Variants in ODR4 observed in about 807,000 individuals in gnomAD.
The protein encoded by ODR4 is protein odr-4 homolog.
Under a neutral mutation model 60.2 loss-of-function variants are expected in ODR4, and 47 were observed. The ratio of observed to expected loss-of-function variants is 0.78; its 90% CI spans 0.62 to 1.00. The LOEUF is 1.00. ODR4 is among the 50% of genes least tolerant of loss of function. The probability of loss-of-function intolerance (pLI) is 0.00; values close to 1 mark genes in which losing one functional copy is unlikely to be tolerated. For missense variants in ODR4, 488 were observed against 530.8 expected, an observed-to-expected ratio of 0.92 and a Z score of 0.79; for synonymous variants, 178 against 175.5, an observed-to-expected ratio of 1.01 and a Z score of -0.11.
At chr1:186,412,164 T>C (rs540223455) in intron 12 of ODR4, among the ~76,000 whole-genome samples, 1 of 152,136 alleles carries the variant, frequency 6.6e-6, no homozygotes, top group Non-Finnish European at 1.5e-5. Flanking sequence ...CAATGGGAAA[T>C]ACAAAGAAAT....
chr1:186,428,082 C>A, the ODR4 span, among the ~76,000 whole-genome samples: 1 of 152,206 alleles, frequency 6.6e-6, no homozygotes, highest in South Asian at 2.1e-4. Flanking sequence ...CTTAAAGTCA[C>A]CAGGTGCATT....
chr1:186,388,526 C>G lies in ODR4; in HGVS notation c.415C>G (p.His139Asp). Residue 139 changes from histidine (H) to aspartate (D), a missense_variant, in exon 5 of 14, where the codon CAC becomes GAC. His to Asp is a moderately conservative substitution (Grantham distance 81, BLOSUM62 -1). Transcript: ENST00000287859. ...EEEVSERVTLHICASTKKIFC... is the reference protein window; with the variant it reads ...EEEVSERVTLDICASTKKIFC... The stretch of plus-strand genomic sequence containing the variant: ...GGAAGTCTCAGAACGAGTGACACTT[C>G]ACATTTGTGCTTCTACAAAAAAGTA... The G allele has an allele frequency of 6.5e-7, 1 of 1,549,430 alleles. No individual in the cohort carries two copies. The highest frequency in any genetic ancestry group is 1.4e-5 in the African/African-American group (1 of 72,958).
At chr1:186,377,637 A>G (rs1571653366) in intron 1 of ODR4, among the ~76,000 whole-genome samples, 2 of 152,264 alleles carry the variant, frequency 1.3e-5, no homozygotes, top group Admixed American at 6.5e-5. Flanking sequence ...AGGCATTACT[A>G]AAAGGTAAAA....
At position 186,390,899 on chromosome 1, in the gene ODR4, C is replaced by T. The variant is rs750105484; in HGVS notation, c.615+48C>T. On this transcript the variant is annotated intron_variant, in intron 7 of 13. Transcript: ENST00000287859. ...CTTCAGTGATTGCTGAGTGAACAAT[C>T]TGCTTTTATTCTGCTTACATGTGTC... 58 of 1,537,574 alleles carry T rather than the reference C, an allele frequency of 3.8e-5. 2 individuals are homozygous for T. The South Asian group carries it at 6.6e-4, about 18-fold the overall frequency.
chr1:186,401,274 T>C, intron 11 of ODR4: 1 of 1,181,892 alleles, frequency 8.5e-7, no homozygotes, highest in East Asian at 2.6e-5. Context: ...AAGTTAATGT[T>C]AAAGCCTAAT....
chr1:186,422,460 GAAT>G (rs1661810038), downstream of ODR4, among the ~76,000 whole-genome samples: 1 of 152,048 alleles, frequency 6.6e-6, no homozygotes, highest in East Asian at 1.9e-4. Flanking sequence ...TAAACATTTA[GAAT>G]AATGTATTAA....
At chr1:186,389,663 A>G (rs770032381) in intron 6 of ODR4, 39 bp downstream of exon 6, 10 of 1,351,076 alleles carry the variant, frequency 7.4e-6, no homozygotes, top group Non-Finnish European at 1.0e-5. Flanking sequence ...CTGTGTCACA[A>G]AGTATTTTCA....
downstream of ODR4, among the ~76,000 whole-genome samples, chr1:186,422,467 G>A (rs998077669): frequency 1.3e-5 from 2 of 152,126 alleles, no homozygotes; most frequent in Non-Finnish European, 2.9e-5. Context: ...TTAGAATAAT[G>A]TATTAAACAA....
intron 2 of ODR4, among the ~76,000 whole-genome samples, chr1:186,381,212 A>G (rs567020601): frequency 6.6e-6 from 1 of 152,268 alleles, no homozygotes; most frequent in Non-Finnish European, 1.5e-5. Flanking sequence ...ATCAGTAGAG[A>G]TAAAAAGTCA....
chr1:186,396,482 G>C (rs1052118479), intron 9 of ODR4, among the ~76,000 whole-genome samples: 2 of 152,054 alleles, frequency 1.3e-5, no homozygotes, highest in African/African-American at 2.4e-5. Context: ...GATGGTGTGT[G>C]CCTGTAGTCC....
the ODR4 span, among the ~76,000 whole-genome samples, chr1:186,431,108 G>C: frequency 6.0e-3 from 916 of 152,266 alleles, 15 homozygotes; most frequent in African/African-American, 0.021. Context: ...ACCTCTTCTA[G>C]CATAATAGCT....
intron 1 of ODR4, among the ~76,000 whole-genome samples, chr1:186,377,256 A>G (rs571898976): frequency 6.6e-6 from 1 of 152,256 alleles, no homozygotes; most frequent in Admixed American, 6.5e-5. Context: ...ATAATTTTTC[A>G]ATCTGTGGTT....
At chr1:186,391,821 T>C (rs1318132142) in intron 8 of ODR4, 30 bp downstream of exon 8, 1 of 1,318,430 alleles carries the variant, frequency 7.6e-7, no homozygotes. Flanking sequence ...TCTTATTAAA[T>C]TGTTAGTGCT....
downstream of ODR4, among the ~76,000 whole-genome samples, chr1:186,425,497 T>G (rs553033206): frequency 6.6e-6 from 1 of 152,302 alleles, no homozygotes; most frequent in African/African-American, 2.4e-5. Flanking sequence ...TGTAAGATCT[T>G]GACTTTGCTC....
Position 186,421,117 on chromosome 1 carries a change from G to A in ODR4, c.*2041G>A, listed in dbSNP as rs1417571576. 7.9e-5 allele frequency: 12 copies of A among 152,212 alleles called. No individual in the cohort carries two copies. In the East Asian group the frequency reaches 2.3e-3, roughly 29 times the overall value. The allele number at this position is 152,212 out of a possible 1,614,324, so 9.4% of individuals were successfully genotyped here. ...TATTAGCTTAGAATTTGCAACAAGC[G>A]AAACTGAAACAAACAGATGCTCAGA... On this transcript the variant is annotated 3_prime_UTR_variant, in exon 14 of 14. Transcript: ENST00000287859.
the ODR4 span, among the ~76,000 whole-genome samples, chr1:186,429,891 A>G: frequency 6.6e-6 from 1 of 152,204 alleles, no homozygotes; most frequent in African/African-American, 2.4e-5. Flanking sequence ...AAGGTGGTCA[A>G]TGAGGTCTCA....
intron 13 of ODR4, 23 bp downstream of exon 13, chr1:186,417,677 T>A: frequency 8.4e-7 from 1 of 1,193,394 alleles, no homozygotes; most frequent in Non-Finnish European, 1.2e-6. Context: ...ACTTCTTTTA[T>A]AACACTGAAA....
At chr1:186,425,365 T>G (rs1175366756), downstream of ODR4, among the ~76,000 whole-genome samples, 1 of 152,186 alleles carries the variant, frequency 6.6e-6, no homozygotes, top group East Asian at 1.9e-4. Context: ...CAGTGAATGG[T>G]TCATAGCAAT....
chr1:186,405,976 C>A, intron 11 of ODR4, 107 bp from the exon 12 acceptor site: 1 of 808,122 alleles, frequency 1.2e-6, no homozygotes, highest in East Asian at 3.2e-5. Context: ...AAATATTGAC[C>A]TTTTAAGCTT....
Sources: gnomAD v4.1 joint callset for allele counts (sites outside exome capture counted in the v4.1 genomes callset) on GRCh38, gnomAD v4.1.1 for gene constraint, MANE v1.5 for transcripts, NCBI Gene and HGNC (gene_info 2026-07-23, HGNC 2026-07-21) for gene names.